Variants in EIF2AK3 observed in about 807,000 individuals in gnomAD.
EIF2AK3 encodes the protein eukaryotic translation initiation factor 2-alpha kinase 3.
In EIF2AK3, 50 loss-of-function variants were observed where a neutral mutation model predicts 113.5. The ratio of observed to expected loss-of-function variants is 0.44; its 90% confidence interval spans 0.35 to 0.56. The LOEUF is 0.56. Ranked by LOEUF, EIF2AK3 falls within the 20% of genes least tolerant of loss-of-function variation. The pLI, the probability that EIF2AK3 is intolerant of heterozygous loss-of-function variation, is 0.00. For missense variants in EIF2AK3, 1,185 were observed against 1,378.0 expected (o/e 0.86, Z 2.22); for synonymous variants, 448 against 495.4 (o/e 0.90, Z 1.27).
chr2:88,570,722 T>C, intron 14 of EIF2AK3, 152 bp downstream of exon 14: 1 of 964,184 alleles, frequency 1.0e-6, no homozygotes, highest in Non-Finnish European at 1.6e-6. Flanking sequence ...CTTAGCTGTG[T>C]CACTATTCCA....
chr2:88,605,852 G>A (rs1030797897), intron 2 of EIF2AK3, among the ~76,000 whole-genome samples: 3 of 152,002 alleles, frequency 2.0e-5, no homozygotes, highest in African/African-American at 7.3e-5. Context: ...GTAAAAGGAA[G>A]ACTGTTTGAT....
At chr2:88,616,640 T>C (rs1194076435) in intron 1 of EIF2AK3, among the ~76,000 whole-genome samples, 2 of 152,072 alleles carry the variant, frequency 1.3e-5, no homozygotes, top group Admixed American at 6.6e-5. Context: ...TTGGCCAGGC[T>C]GGTCTTGAAC....
intron 2 of EIF2AK3, among the ~76,000 whole-genome samples, chr2:88,604,614 G>C (rs1443430256): frequency 6.6e-6 from 1 of 152,144 alleles, no homozygotes; most frequent in Non-Finnish European, 1.5e-5. Context: ...ATAAGTTCTA[G>C]AAAGGCAAGA....
intron 4 of EIF2AK3, among the ~76,000 whole-genome samples, 173 bp downstream of exon 4, chr2:88,593,099 G>A (rs1216327764): frequency 1.3e-5 from 2 of 152,008 alleles, no homozygotes; most frequent in Admixed American, 1.3e-4. Context: ...CCAATATCAC[G>A]CCACTGTACT....
chr2:88,626,984 C>T lies in EIF2AK3; in HGVS notation c.291G>A (p.Glu97=), dbSNP rs1188210443. The change falls in exon 1 of 17, where the codon GAG becomes GAA. Residue 97 remains glutamate (E), a synonymous_variant. Coordinates refer to ENST00000303236, the MANE Select transcript of EIF2AK3 (RefSeq NM_004836.7). ...PRGPEPDDET[E]LRPRGRSLVI... is the part of the protein sequence containing the mutation. ...CCCCTCACCTGCCGCGCGGTCGCAA[C>T]TCTGTCTCATCGTCTGGTTCCGGAC... The T allele has an allele frequency of 1.2e-6, 2 of 1,609,328 alleles. No homozygotes were observed. Among genetic ancestry groups the T allele is most frequent in the African/African-American group, 2.7e-5 (2 of 74,592 alleles).
At position 88,626,995 on chromosome 2, in the gene EIF2AK3, C is replaced by T. The variant is rs1260850302; in HGVS notation, c.280G>A (p.Asp94Asn). 6.2e-7 allele frequency: 1 copy of T among 1,609,194 alleles called. No homozygotes were observed. Among genetic ancestry groups the T allele is most frequent in the African/African-American group, 1.3e-5 (1 of 74,764 alleles). The change falls in exon 1 of 17, where the codon GAT becomes AAT. Residue 94 changes from aspartate to asparagine, a missense_variant. Coordinates refer to ENST00000303236, the MANE Select transcript of EIF2AK3 (RefSeq NM_004836.7). ...EQEPRGPEPD[D>N]ETELRPRGRS... ...CCGCGCGGTCGCAACTCTGTCTCATCGTCTGGTTCCGGACCCCGAGGCTCC... is the reference window on the plus strand; with the variant it reads ...CCGCGCGGTCGCAACTCTGTCTCATTGTCTGGTTCCGGACCCCGAGGCTCC...
rs927042102 is a variant in EIF2AK3 at position 88,590,668 on chromosome 2, T to C, written c.1003-63A>G. ...GCAGTAGTTATATAGTTCCAACCCA[T>C]AAAATACCATTTAAAATCACAAATT... is the stretch of plus-strand genomic sequence containing the variant. On this transcript the variant is annotated intron_variant, in intron 5 of 16. Coordinates refer to ENST00000303236, the MANE Select transcript of EIF2AK3 (RefSeq NM_004836.7). The C allele has an allele frequency of 3.8e-6, 6 of 1,583,840 alleles. No individual in the cohort carries two copies. The African/African-American group carries it at 6.7e-5, about 18-fold the overall frequency.
At position 88,588,831 on chromosome 2, in the gene EIF2AK3, C is replaced by T. The variant is rs778593538; in HGVS notation, c.1236G>A (p.Lys412=). The change falls in exon 7 of 17, where the codon AAG becomes AAA. Residue 412 remains lysine (K), a synonymous_variant. Coordinates refer to ENST00000303236, the MANE Select transcript of EIF2AK3 (RefSeq NM_004836.7). ...TTTCATTAGTGACAGATTCCAAAGC[C>T]TTGGGACTTGAAGGAAACTTTTCTG... ...RISEKFPSSP[K]ALESVTNENA... is the part of the protein sequence containing the mutation. 4.3e-6 allele frequency: 7 copies of T among 1,613,768 alleles called. No homozygotes were observed. The highest frequency in any genetic ancestry group is 1.7e-4 in the Middle Eastern group (1 of 6,058).
chr2:88,610,656 C>T (rs1393243428), intron 2 of EIF2AK3, among the ~76,000 whole-genome samples: 1 of 152,160 alleles, frequency 6.6e-6, no homozygotes, highest in African/African-American at 2.4e-5. Flanking sequence ...TGCTACTTTT[C>T]TCATTAAATT....
At position 88,569,348 on chromosome 2, in the gene EIF2AK3, C is replaced by A. The variant is rs186931656; in HGVS notation, c.2985+1526G>T. Reference sequence around the variant, plus strand: ...CAAGACCCCATCTCAAAAAAAAAAACAAACAACATTTTTTTTTTAAAGAGA... The same window carrying A: ...CAAGACCCCATCTCAAAAAAAAAAAAAAACAACATTTTTTTTTTAAAGAGA... On this transcript the variant is annotated intron_variant, in intron 14 of 16. Coordinates refer to ENST00000303236, the MANE Select transcript of EIF2AK3 (RefSeq NM_004836.7). Among the ~76,000 whole-genome samples, 596 of 149,214 alleles carry A rather than the reference C, an allele frequency of 4.0e-3. 5 individuals carry two copies. The highest frequency in any genetic ancestry group is 0.014 in the African/African-American group (564 of 40,784).
Position 88,557,122 on chromosome 2 carries a change from G to A in EIF2AK3, c.*614C>T, listed in dbSNP as rs1176280685. 2 of 152,558 alleles carry A rather than the reference G, an allele frequency of 1.3e-5. No individual in the cohort carries two copies. The highest frequency in any genetic ancestry group is 1.3e-4 in the Admixed American group (2 of 15,272). 9.5% of individuals were successfully genotyped at this position (152,558 alleles called of 1,614,324 possible). ...AAAGCTTCATTTTCCCTTTATTGGA[G>A]GTAAAAGTACAAAAAGCTGTAAACC... On this transcript the variant is annotated 3_prime_UTR_variant, in exon 17 of 17. Transcript: ENST00000303236.
intron 2 of EIF2AK3, among the ~76,000 whole-genome samples, chr2:88,601,090 T>A (rs1573413116): frequency 6.6e-6 from 1 of 152,330 alleles, no homozygotes; most frequent in East Asian, 1.9e-4. Flanking sequence ...ATCATCAAAT[T>A]TTAAAATTTC....
In EIF2AK3 at chr2:88,627,222, AG is replaced by A. The variant is rs1675892112; in HGVS notation, c.52del (p.Leu18CysfsTer53). The A allele has an allele frequency of 1.4e-5, 20 of 1,472,854 alleles. No homozygotes were observed. The African/African-American group carries it at 1.9e-4, about 14-fold the overall frequency. The allele number at this position is 1,472,854 out of a possible 1,614,324, so 91.2% of individuals were successfully genotyped here. On this transcript the variant is annotated frameshift_variant, in exon 1 of 17. Transcript: ENST00000303236. LOFTEE classifies it high-confidence loss of function. Reference sequence around the variant, plus strand: ...CCTTGCCGCGAGCCCCAGCAGCAGCAGCAGCAGCAGCAGCGCCCGTACCAGC... The same window carrying A: ...CCTTGCCGCGAGCCCCAGCAGCAGCACAGCAGCAGCAGCGCCCGTACCAGC... ...GLLVRALLLL[L>X]LLLGLAARTV...
intron 2 of EIF2AK3, among the ~76,000 whole-genome samples, chr2:88,600,926 T>G (rs1675133703): frequency 6.6e-6 from 1 of 152,230 alleles, no homozygotes; most frequent in South Asian, 2.1e-4. Context: ...CATTCAACTT[T>G]ATTTTAACTG....
chr2:88,576,417 A>C, intron 12 of EIF2AK3, 137 bp downstream of exon 12: 2 of 1,280,734 alleles, frequency 1.6e-6, no homozygotes, highest in South Asian at 2.9e-5. Context: ...GTGGCTAGAG[A>C]ACTTTTCAAA....
At chr2:88,621,343 A>G (rs548217202) in intron 1 of EIF2AK3, among the ~76,000 whole-genome samples, 10 of 152,338 alleles carry the variant, frequency 6.6e-5, no homozygotes, top group African/African-American at 2.4e-4. Flanking sequence ...TCATAAAATC[A>G]TTTTAAAGGA....
chr2:88,570,841 C>T (rs749104882), intron 14 of EIF2AK3, 33 bp downstream of exon 14: 2 of 1,612,130 alleles, frequency 1.2e-6, no homozygotes, highest in Admixed American at 3.3e-5. Flanking sequence ...ACATCTGCTG[C>T]TGTGCTAGTA....
Position 88,622,041 on chromosome 2 carries a change from C to T in EIF2AK3, c.308+4926G>A, listed in dbSNP as rs779946063. Among the ~76,000 whole-genome samples, 12 of 151,892 alleles carry T rather than the reference C, an allele frequency of 7.9e-5. No homozygotes were observed. The Middle Eastern group carries it at 9.5e-3, about 120-fold the overall frequency. Reference sequence around the variant, plus strand: ...CCTCCTGAGTAGCTGGGACTACAGACGTGTGCCACCATGCCTGGCTAATTT... The same window carrying T: ...CCTCCTGAGTAGCTGGGACTACAGATGTGTGCCACCATGCCTGGCTAATTT... On this transcript the variant is annotated intron_variant, in intron 1 of 16. Coordinates refer to ENST00000303236, the MANE Select transcript of EIF2AK3 (RefSeq NM_004836.7).
intron 14 of EIF2AK3, among the ~76,000 whole-genome samples, chr2:88,564,922 T>C (rs1238304669): frequency 6.6e-6 from 1 of 152,188 alleles, no homozygotes; most frequent in Non-Finnish European, 1.5e-5. Flanking sequence ...TGAGCCTTCA[T>C]TAATAAGCAT....
Sources: allele counts gnomAD v4.1 joint callset (sites outside exome capture counted in the v4.1 genomes callset), GRCh38; gene constraint gnomAD v4.1.1; transcripts MANE v1.5; gene names NCBI Gene and HGNC (gene_info 2026-07-23, HGNC 2026-07-21).